HHLA2: variants seen among roughly 807,000 people sequenced by gnomAD.
HHLA2 encodes HERV-H LTR-associating protein 2.
HHLA2 carries 48 observed loss-of-function variants against 45.9 expected under a neutral mutation model. The ratio of observed to expected loss-of-function variants is 1.05; its 90% CI spans 0.83 to 1.33. The LOEUF (loss-of-function observed/expected upper bound fraction) is 1.33. Among genes scored for constraint, HHLA2 ranks in the 40% most tolerant of loss-of-function variants. The probability of loss-of-function intolerance (pLI) is 0.00; values close to 1 mark genes in which losing one functional copy is unlikely to be tolerated. For synonymous variants in HHLA2, 161 were observed against 173.9 expected (o/e 0.93, Z 0.59); for missense variants, 462 against 494.3 (o/e 0.93, Z 0.62).
rs532055880 is a variant in HHLA2 at position 108,338,116 on chromosome 3, T to G, written c.-27+9769T>G. 1.4e-4 allele frequency among the ~76,000 whole-genome samples: 22 copies of G among 151,894 alleles called. No homozygotes were observed. The South Asian group carries it at 1.7e-3, about 11-fold the overall frequency. On this transcript the variant is annotated intron_variant, in intron 3 of 10. Transcript: ENST00000619531. ...ATGTAGCGATACCTGTCTATATATATAGAAATATATATCATAGATATCTAA... is the reference window on the plus strand; with the variant it reads ...ATGTAGCGATACCTGTCTATATATAGAGAAATATATATCATAGATATCTAA...
At chr3:108,339,123 T>G (rs1228738548) in intron 3 of HHLA2, among the ~76,000 whole-genome samples, 1 of 152,172 alleles carries the variant, frequency 6.6e-6, no homozygotes, top group Non-Finnish European at 1.5e-5. Flanking sequence ...TGCACTAACT[T>G]CTGATGTGAT....
Position 108,376,427 on chromosome 3 carries a change from G to A in HHLA2, c.1160-66G>A, listed in dbSNP as rs2082275791. On this transcript the variant is annotated intron_variant, in intron 9 of 10. Coordinates refer to ENST00000619531, the Ensembl canonical transcript of HHLA2. ...CTAATAACATGATTATATTGAGATA[G>A]GACTAAGGGAGAATTTTGGTGTTTG... 36 of 1,224,782 alleles carry A rather than the reference G, an allele frequency of 2.9e-5. 2 individuals are homozygous for A. The South Asian group carries it at 4.8e-4, about 16-fold the overall frequency. 75.9% of individuals were successfully genotyped at this position (1,224,782 alleles called of 1,614,324 possible). A position where few individuals can be genotyped will look rare whatever the true frequency, so the allele number is the denominator to read the frequency against.
At chr3:108,329,431 A>C (rs2081346187) in intron 3 of HHLA2, among the ~76,000 whole-genome samples, 1 of 152,004 alleles carries the variant, frequency 6.6e-6, no homozygotes, top group African/African-American at 2.4e-5. Context: ...AAAGTAGGGG[A>C]GGGGTGGGCA....
At chr3:108,308,081 G>T (rs1372807175) in intron 1 of HHLA2, among the ~76,000 whole-genome samples, 3 of 152,022 alleles carry the variant, frequency 2.0e-5, no homozygotes, top group Non-Finnish European at 2.9e-5. Context: ...TCACTCTGTT[G>T]TGCTACCACA....
chr3:108,341,012 G>T (rs1029626540), intron 3 of HHLA2, among the ~76,000 whole-genome samples: 8 of 146,630 alleles, frequency 5.5e-5, no homozygotes, highest in South Asian at 2.1e-4. Flanking sequence ...GAGTGCAGGG[G>T]TGTAATCTTG....
chr3:108,372,636 T>A (rs920252592), intron 8 of HHLA2, among the ~76,000 whole-genome samples: 1 of 152,032 alleles, frequency 6.6e-6, no homozygotes, highest in African/African-American at 2.4e-5. Context: ...TAAAAAATGA[T>A]AAAGGGGATA....
intron 6 of HHLA2, among the ~76,000 whole-genome samples, chr3:108,356,125 T>G (rs9843624): frequency 0.68 from 101,698 of 149,928 alleles, 35,311 homozygotes; most frequent in African/African-American, 0.77. Flanking sequence ...CACCTCCCAG[T>G]TTCAAGTGAT....
intron 10 of HHLA2, chr3:108,376,803 G>A (rs2082284461): frequency 2.4e-6 from 1 of 415,846 alleles, no homozygotes; most frequent in Admixed American, 4.1e-5. Flanking sequence ...GTTATTTGTA[G>A]AGAAGATCTC....
At chr3:108,372,048 T>C (rs926220712) in intron 8 of HHLA2, among the ~76,000 whole-genome samples, 17 of 152,172 alleles carry the variant, frequency 1.1e-4, no homozygotes, top group Admixed American at 2.0e-4. Context: ...ACACCACACC[T>C]ATTCCAAAAT....
intron 8 of HHLA2, among the ~76,000 whole-genome samples, chr3:108,367,769 T>C (rs1043104645): frequency 1.8e-4 from 28 of 152,254 alleles, no homozygotes; most frequent in African/African-American, 6.7e-4. Flanking sequence ...TGGAACCCAG[T>C]TGGAAAACAC....
intron 5 of HHLA2, among the ~76,000 whole-genome samples, chr3:108,354,038 G>C (rs1226272117): frequency 6.6e-6 from 1 of 152,030 alleles, no homozygotes; most frequent in Non-Finnish European, 1.5e-5. Flanking sequence ...CTTAATACTG[G>C]GAAATAATCT....
chr3:108,377,432 T>A, exon 11 of HHLA2: 1 of 612,414 alleles, frequency 1.6e-6, no homozygotes, highest in South Asian at 2.2e-5. Flanking sequence ...GTATCACATT[T>A]ATTTTTCAAG....
chr3:108,329,718 G>C (rs549203778), intron 3 of HHLA2, among the ~76,000 whole-genome samples: 1 of 152,120 alleles, frequency 6.6e-6, no homozygotes, highest in Non-Finnish European at 1.5e-5. Context: ...CTTTGTGGGC[G>C]TGTTAACTTC....
intron 3 of HHLA2, among the ~76,000 whole-genome samples, chr3:108,346,529 A>G (rs978562672): frequency 9.9e-5 from 15 of 152,228 alleles, no homozygotes; most frequent in African/African-American, 3.6e-4. Context: ...AGTGCAGAAC[A>G]TTCATGAACT....
rs763851086 is a variant in HHLA2, at chr3:108,375,777, A to G, written c.1136A>G (p.His379Arg). ...CAGCTAGAAGCCAGGAGGAGCAGAC[A>G]CCCTGCTGATGGAGCCCAACAAGGT... The change falls in exon 9 of 11, where the codon CAC (histidine) becomes CGC (arginine). Residue 379 changes from histidine (H) to arginine (R), a missense_variant. Physicochemically the swap from His to Arg is conservative, Grantham distance 29 (BLOSUM62 0). Transcript: ENST00000619531. 2.2e-5 allele frequency: 36 copies of G among 1,611,306 alleles called. No individual in the cohort carries two copies. In the African/African-American group the frequency reaches 4.5e-4, roughly 20 times the overall value.
intron 3 of HHLA2, among the ~76,000 whole-genome samples, chr3:108,350,285 C>T (rs1204166033): frequency 3.3e-5 from 5 of 152,096 alleles, no homozygotes; most frequent in Admixed American, 6.6e-5. Flanking sequence ...GGACTCATAA[C>T]TTTGTCATAT....
intron 8 of HHLA2, among the ~76,000 whole-genome samples, chr3:108,369,359 G>C (rs1203220928): frequency 6.6e-6 from 1 of 152,180 alleles, no homozygotes. Context: ...AATAGGAACA[G>C]CTCCGGTCTA....
intron 7 of HHLA2, 34 bp from the exon 7 acceptor site, chr3:108,362,308 G>A: frequency 6.6e-7 from 1 of 1,517,924 alleles, no homozygotes; most frequent in Non-Finnish European, 9.0e-7. Flanking sequence ...TTTTCTTCCA[G>A]TTCACAGACT....
chr3:108,299,968 G>T (rs910726393), intron 1 of HHLA2, among the ~76,000 whole-genome samples: 1 of 152,186 alleles, frequency 6.6e-6, no homozygotes, highest in African/African-American at 2.4e-5. Flanking sequence ...GTGGCGAGAA[G>T]ACGGGAAAAT....
Sources: gnomAD v4.1 joint callset for allele counts (sites outside exome capture counted in the v4.1 genomes callset) on GRCh38, gnomAD v4.1.1 for gene constraint, MANE v1.5 for transcripts, NCBI Gene and HGNC (gene_info 2026-07-23, HGNC 2026-07-21) for gene names.